IGDCC3: variants seen among roughly 807,000 people sequenced by gnomAD.
IGDCC3 encodes putative neuronal cell adhesion molecule.
IGDCC3 carries 47 observed loss-of-function variants against 72.0 expected under a neutral mutation model. The ratio of observed to expected loss-of-function variants is 0.65; its 90% CI spans 0.52 to 0.83. IGDCC3 has a LOEUF of 0.83. IGDCC3 is among the 40% of genes least tolerant of loss of function. The pLI, the probability that IGDCC3 is intolerant of heterozygous loss-of-function variation, is 0.00. For missense variants in IGDCC3, 1,038 were observed against 1,091.3 expected, an observed-to-expected ratio of 0.95 and a Z score of 0.69; for synonymous variants, 477 against 472.8, an observed-to-expected ratio of 1.01 and a Z score of -0.11.
chr15:65,338,699 G>A (rs2140144588), intron 2 of IGDCC3, among the ~76,000 whole-genome samples: 1 of 152,106 alleles, frequency 6.6e-6, no homozygotes, highest in Admixed American at 6.6e-5. Flanking sequence ...AGGCGTCCTA[G>A]GATTTCTGTG....
At position 65,329,331 on chromosome 15, in the gene IGDCC3, T is replaced by G; in HGVS notation, c.2205+59A>C. The G allele has an allele frequency of 6.6e-7, 1 of 1,518,938 alleles. No individual in the cohort carries two copies. Among genetic ancestry groups the G allele is most frequent in the Non-Finnish European group, 8.9e-7 (1 of 1,121,130 alleles). The allele number at this position is 1,518,938 out of a possible 1,614,324, so 94.1% of individuals were successfully genotyped here. On this transcript the variant is annotated intron_variant, in intron 13 of 13. Coordinates refer to ENST00000327987, the MANE Select transcript of IGDCC3 (RefSeq NM_004884.4). The surrounding 1 kb of genome is among the most constrained non-coding windows in gnomAD (Gnocchi z 4.1). Reference sequence around the variant, plus strand: ...GTGGCCAAGGTGAAGGGGGGCAGGATTGGAAGGTGGCAGTGTCAGAGCCTG... The same window carrying G: ...GTGGCCAAGGTGAAGGGGGGCAGGAGTGGAAGGTGGCAGTGTCAGAGCCTG...
intron 2 of IGDCC3, among the ~76,000 whole-genome samples, chr15:65,364,839 C>T (rs1359217737): frequency 6.6e-6 from 1 of 152,142 alleles, no homozygotes; most frequent in African/African-American, 2.4e-5. Context: ...CAAGATCGCA[C>T]CACTGAACTC....
Position 65,331,242 on chromosome 15 carries a change from G to C in IGDCC3, c.1397-28C>G, listed in dbSNP as rs1378008061. 4 of 1,610,898 alleles carry C rather than the reference G, an allele frequency of 2.5e-6. No homozygotes were observed. The African/African-American group carries it at 4.0e-5, about 16-fold the overall frequency. On this transcript the variant is annotated intron_variant, in intron 8 of 13. Transcript: ENST00000327987. ...GGAGAGGCACAGGGTGGGCAGGGGA[G>C]TGTGAAGGACTGGGGGAGTCCTGCC...
chr15:65,335,488 G>T, intron 3 of IGDCC3, 67 bp from the exon 4 acceptor site: 1 of 1,510,368 alleles, frequency 6.6e-7, no homozygotes, highest in Non-Finnish European at 9.0e-7. Flanking sequence ...CAAAGACTCT[G>T]GGCATCCAAG....
intron 2 of IGDCC3, among the ~76,000 whole-genome samples, chr15:65,372,652 A>G (rs1284426316): frequency 6.6e-6 from 1 of 151,956 alleles, no homozygotes; most frequent in Non-Finnish European, 1.5e-5. Context: ...GGTGCTTAGC[A>G]TGCCCCCTCC....
intron 2 of IGDCC3, among the ~76,000 whole-genome samples, chr15:65,351,006 C>T (rs559954586): frequency 7.2e-5 from 11 of 151,754 alleles, no homozygotes; most frequent in African/African-American, 2.2e-4. Context: ...TTTTTTTCTG[C>T]CTAAAGTGTT....
intron 9 of IGDCC3, 62 bp downstream of exon 9, chr15:65,330,988 T>A: frequency 6.4e-7 from 1 of 1,569,520 alleles, no homozygotes; most frequent in Admixed American, 1.7e-5. Context: ...GTGTGCATGG[T>A]GGTTCTGCTC....
Position 65,329,964 on chromosome 15 carries a change from C to T in IGDCC3, c.1859-100G>A. The T allele has an allele frequency of 1.5e-6, 2 of 1,309,100 alleles. No homozygotes were observed. The highest frequency in any genetic ancestry group is 2.2e-6 in the Non-Finnish European group (2 of 924,374). The allele number at this position is 1,309,100 out of a possible 1,614,324, so 81.1% of individuals were successfully genotyped here. ...TCCTCTTCCTTCAGCTGCTCCCACT[C>T]CCAAGTGGGAGTGGGAACATCCTTT... is the stretch of plus-strand genomic sequence containing the variant. On this transcript the variant is annotated intron_variant, in intron 11 of 13. Coordinates refer to ENST00000327987, the MANE Select transcript of IGDCC3 (RefSeq NM_004884.4). This position sits in a 1 kb window ranked among gnomAD's most constrained non-coding sequence, Gnocchi z 4.1.
In IGDCC3 at chr15:65,329,214, C is replaced by T. The variant is rs1488279040; in HGVS notation, c.2206-66G>A. 1.3e-6 allele frequency: 2 copies of T among 1,545,848 alleles called. No homozygotes were observed. The highest frequency in any genetic ancestry group is 1.7e-6 in the Non-Finnish European group (2 of 1,151,140). On this transcript the variant is annotated intron_variant, in intron 13 of 13. Coordinates refer to ENST00000327987, the MANE Select transcript of IGDCC3 (RefSeq NM_004884.4). The surrounding 1 kb of genome is among the most constrained non-coding windows in gnomAD (Gnocchi z 4.1). The stretch of plus-strand genomic sequence containing the variant: ...CAGGGCGCCAGGCTCCAACTCACCC[C>T]ACTTGGGCCTTAGGGTCTCCAGGTC...
intron 2 of IGDCC3, 65 bp downstream of exon 2, chr15:65,375,032 G>T: frequency 1.4e-6 from 2 of 1,457,658 alleles, no homozygotes; most frequent in Non-Finnish European, 1.9e-6. Context: ...CTGCCCTCAT[G>T]CCCTAGGCTG....
intron 2 of IGDCC3, among the ~76,000 whole-genome samples, chr15:65,372,024 G>A (rs1189742061): frequency 1.3e-5 from 2 of 152,216 alleles, no homozygotes; most frequent in African/African-American, 2.4e-5. Context: ...GAATCCCAGC[G>A]AGGGAGAAAG....
chr15:65,353,196 T>C (rs1437680250), intron 2 of IGDCC3, among the ~76,000 whole-genome samples: 1 of 152,006 alleles, frequency 6.6e-6, no homozygotes. Context: ...CGTACTTTTT[T>C]TTTTTTTCCT....
Position 65,375,409 on chromosome 15 carries a change from T to C in IGDCC3, c.104-7A>G. 6.3e-7 allele frequency: 1 copy of C among 1,591,094 alleles called. No individual in the cohort carries two copies. Among genetic ancestry groups the C allele is most frequent in the Non-Finnish European group, 8.6e-7 (1 of 1,163,086 alleles). On this transcript the variant is annotated splice_region_variant and splice_polypyrimidine_tract_variant and intron_variant, in intron 1 of 13. Coordinates refer to ENST00000327987, the MANE Select transcript of IGDCC3 (RefSeq NM_004884.4). ...TCAGCAGAGTGGCCAAGACCTGCAT[T>C]GGGGAAGGGGAGATGGAAGGAAATA...
At chr15:65,330,902 A>C in intron 9 of IGDCC3, 148 bp downstream of exon 9, 2 of 1,097,106 alleles carry the variant, frequency 1.8e-6, no homozygotes, top group Non-Finnish European at 2.6e-6. Flanking sequence ...TTAGAAAAAG[A>C]AGCCCTTTCC....
intron 2 of IGDCC3, among the ~76,000 whole-genome samples, chr15:65,345,546 C>A (rs147897444): frequency 6.6e-6 from 1 of 150,918 alleles, no homozygotes; most frequent in Non-Finnish European, 1.5e-5. Flanking sequence ...AGAGTGAGAC[C>A]CTGTCTCACA....
rs755425744 is a variant in IGDCC3, at chr15:65,331,624, T to C, written c.1184A>G (p.Glu395Gly). Residue 395 changes from glutamate to glycine, a missense_variant, in exon 8 of 14, where the codon GAA becomes GGA. Transcript: ENST00000327987. ...CTCGGCCACACACTGATAAATGGCTTCATCCTCAGGACCGATTCCAGAAAT... is the reference window on the plus strand; with the variant it reads ...CTCGGCCACACACTGATAAATGGCTCCATCCTCAGGACCGATTCCAGAAAT... ...LTISGIGPED[E>G]AIYQCVAENS... The C allele has an allele frequency of 1.2e-6, 2 of 1,612,234 alleles. No homozygotes were observed. The highest frequency in any genetic ancestry group is 2.2e-5 in the South Asian group (2 of 90,840).
Position 65,334,733 on chromosome 15 carries a change from C to A in IGDCC3, c.818G>T (p.Arg273Leu), listed in dbSNP as rs759630428. The A allele has an allele frequency of 1.3e-6, 2 of 1,566,210 alleles. No individual in the cohort carries two copies. Among genetic ancestry groups the A allele is most frequent in the Admixed American group, 1.9e-5 (1 of 53,438 alleles). Reference protein sequence around the residue: ...GNPRPIVSWSRLDGRPIGVEG... With the variant: ...GNPRPIVSWSLLDGRPIGVEG... ...GCTGTGGGGATGAGGCTCACCCAGG[C>A]GGCTCCAGGACACAATGGGGCGCGG... Residue 273 changes from arginine (R) to leucine (L), a missense_variant, in exon 5 of 14, where the codon CGC becomes CTC. Transcript: ENST00000327987.
rs974933772 is a variant in IGDCC3, at chr15:65,377,226, G to GC, written c.103+459dup. Among the ~76,000 whole-genome samples the GC allele has an allele frequency of 1.3e-5, 2 of 152,064 alleles. No homozygotes were observed. Among genetic ancestry groups the GC allele is most frequent in the African/African-American group, 4.8e-5 (2 of 41,384 alleles). ...TCCAAATGCAGGTCGTGCCATCTCCGCCCAGTGCAGCCGTCAGAGTCCCGG... is the reference window on the plus strand; with the variant it reads ...TCCAAATGCAGGTCGTGCCATCTCCGCCCCAGTGCAGCCGTCAGAGTCCCGG... On this transcript the variant is annotated intron_variant, in intron 1 of 13. Coordinates refer to ENST00000327987, the MANE Select transcript of IGDCC3 (RefSeq NM_004884.4). The surrounding 1 kb of genome is among the most constrained non-coding windows in gnomAD (Gnocchi z 4.9).
Position 65,333,330 on chromosome 15 carries a change from G to T in IGDCC3, c.909C>A (p.Gly303=). 6.2e-7 allele frequency: 1 copy of T among 1,613,186 alleles called. No individual in the cohort carries two copies. Among genetic ancestry groups the T allele is most frequent in the Non-Finnish European group, 8.5e-7 (1 of 1,179,686 alleles). ...IISDVTVQHS[G]VYVCAANRPG... ...GTCTGTTGGCTGCACAGACGTAGAC[G>T]CCAGAGTGCTGGACCGTCACGTCTG... The change falls in exon 6 of 14, where the codon GGC becomes GGA. Residue 303 remains glycine, a synonymous_variant. Transcript: ENST00000327987.
Sources: allele counts gnomAD v4.1 joint callset (sites outside exome capture counted in the v4.1 genomes callset), GRCh38; gene constraint gnomAD v4.1.1; non-coding constraint Gnocchi (gnomAD v3.1); transcripts MANE v1.5; gene names NCBI Gene and HGNC (gene_info 2026-07-23, HGNC 2026-07-21).